The following COL23A1 variants were observed in gnomAD, a reference collection of about 807,000 sequenced individuals.
The protein encoded by COL23A1 is collagen type XXIII alpha 1 chain.
COL23A1 carries 97 observed loss-of-function variants against 99.3 expected under a neutral mutation model. The observed-to-expected ratio is 0.98, with a 90% CI of 0.83 to 1.16. COL23A1 has a LOEUF of 1.16. Ranked by LOEUF, COL23A1 falls within the 50% of genes most tolerant of loss-of-function variation. The probability of loss-of-function intolerance (pLI) is 0.00; values close to 1 mark genes in which losing one functional copy is unlikely to be tolerated. For missense variants in COL23A1, 762 were observed against 757.4 expected (o/e 1.01, Z -0.07); for synonymous variants, 320 against 308.2 (o/e 1.04, Z -0.40).
At position 178,498,213 on chromosome 5, in the gene COL23A1, TA is replaced by T. The variant is rs1562025346; in HGVS notation, c.361+62468del. On this transcript the variant is annotated intron_variant, in intron 2 of 28. Transcript: ENST00000390654. Reference sequence around the variant, plus strand: ...GACCCTGTCTTTATTTAAATATATATATATATATATATATATATATATATAT... The same window carrying T: ...GACCCTGTCTTTATTTAAATATATATTATATATATATATATATATATATAT... 6.3e-4 allele frequency among the ~76,000 whole-genome samples: 18 copies of T among 28,486 alleles called. No individual in the cohort carries two copies. The African/African-American group carries it at 6.8e-3, about 11-fold the overall frequency. The allele number at this position is 28,486 out of a possible 152,430, so 18.7% of individuals were successfully genotyped here.
chr5:178,361,799 C>T (rs1344954103), intron 2 of COL23A1, among the ~76,000 whole-genome samples: 4 of 152,256 alleles, frequency 2.6e-5, no homozygotes, highest in East Asian at 3.9e-4. Context: ...AGCCATGCAC[C>T]GGCTCTCACT....
chr5:178,583,490 A>AAC (rs141089030), intron 1 of COL23A1, among the ~76,000 whole-genome samples: 1 of 152,022 alleles, frequency 6.6e-6, no homozygotes, highest in South Asian at 2.1e-4. Flanking sequence ...CACACACATG[A>AAC]ACACACACAC....
At chr5:178,259,849 C>A in intron 11 of COL23A1, 102 bp from the exon 12 acceptor site, 2 of 1,144,260 alleles carry the variant, frequency 1.7e-6, no homozygotes, top group Non-Finnish European at 2.5e-6. Flanking sequence ...CACTGATGAC[C>A]CGTGCCCAGG....
intron 2 of COL23A1, among the ~76,000 whole-genome samples, chr5:178,354,021 C>G (rs1360191941): frequency 6.6e-6 from 1 of 151,768 alleles, no homozygotes; most frequent in African/African-American, 2.4e-5. Context: ...TTTGCATGAG[C>G]CTAAAACACC....
At chr5:178,357,048 G>T (rs539236706) in intron 2 of COL23A1, among the ~76,000 whole-genome samples, 3 of 152,372 alleles carry the variant, frequency 2.0e-5, no homozygotes, top group Admixed American at 6.5e-5. Context: ...ATTGTCTAAA[G>T]TCTGCAGAAG....
chr5:178,498,205 AATATATAT>A (rs1159261586), intron 2 of COL23A1, among the ~76,000 whole-genome samples: 595 of 34,362 alleles, frequency 0.017, 7 homozygotes, highest in South Asian at 0.032. Context: ...TCTTTATTTA[AATATATAT>A]ATATATATAT....
At chr5:178,277,016 G>A (rs549589667) in intron 5 of COL23A1, among the ~76,000 whole-genome samples, 12 of 152,264 alleles carry the variant, frequency 7.9e-5, no homozygotes, top group African/African-American at 2.9e-4. Flanking sequence ...GTAGTGTGAG[G>A]GGCTGGAATT....
chr5:178,565,234 G>C (rs181596611), intron 1 of COL23A1, among the ~76,000 whole-genome samples: 91 of 152,310 alleles, frequency 6.0e-4, no homozygotes, highest in African/African-American at 2.1e-3. Context: ...CATCTTCTCA[G>C]TGAAAAACAA....
At chr5:178,444,045 T>TA (rs1437719656) in intron 2 of COL23A1, among the ~76,000 whole-genome samples, 1 of 151,668 alleles carries the variant, frequency 6.6e-6, no homozygotes, top group African/African-American at 2.4e-5. Flanking sequence ...CTACAAAAAA[T>TA]AAAAAAATTA....
At chr5:178,554,198 A>G (rs1485470016) in intron 2 of COL23A1, among the ~76,000 whole-genome samples, 1 of 149,858 alleles carries the variant, frequency 6.7e-6, no homozygotes, top group Non-Finnish European at 1.5e-5. Flanking sequence ...TTTTTCTTTG[A>G]GATGGAGTCT....
At chr5:178,339,075 C>G (rs1041009622) in intron 2 of COL23A1, among the ~76,000 whole-genome samples, 1 of 152,146 alleles carries the variant, frequency 6.6e-6, no homozygotes, top group African/African-American at 2.4e-5. Context: ...TGAACACTTC[C>G]CCTGACTGGG....
chr5:178,286,427 A>C (rs1757154495), intron 5 of COL23A1, among the ~76,000 whole-genome samples: 1 of 152,064 alleles, frequency 6.6e-6, no homozygotes, highest in Non-Finnish European at 1.5e-5. Flanking sequence ...CCCCTTCTCC[A>C]GGCCAGGCCC....
intron 2 of COL23A1, among the ~76,000 whole-genome samples, chr5:178,475,878 G>A (rs907575833): frequency 9.9e-5 from 15 of 152,154 alleles, no homozygotes; most frequent in African/African-American, 2.7e-4. Context: ...CTGGCTGGGA[G>A]GACCCCTGCG....
chr5:178,354,961 A>C (rs1037494201), intron 2 of COL23A1, among the ~76,000 whole-genome samples: 1 of 151,858 alleles, frequency 6.6e-6, no homozygotes, highest in African/African-American at 2.4e-5. Flanking sequence ...GGGAGGCTGA[A>C]GCAGGAGAAT....
At chr5:178,565,088 A>T (rs1332954584) in intron 1 of COL23A1, among the ~76,000 whole-genome samples, 6 of 152,250 alleles carry the variant, frequency 3.9e-5, no homozygotes, top group African/African-American at 1.4e-4. Flanking sequence ...GCAACAAGGA[A>T]AAATGCTTAT....
intron 2 of COL23A1, among the ~76,000 whole-genome samples, chr5:178,409,386 G>C (rs546027322): frequency 1.3e-5 from 2 of 152,330 alleles, no homozygotes; most frequent in Admixed American, 6.5e-5. Context: ...TAAAATGACA[G>C]ATTGGTGATT....
intron 2 of COL23A1, chr5:178,350,876 T>A (rs1423480675): frequency 2.0e-5 from 3 of 152,348 alleles, no homozygotes; most frequent in African/African-American, 7.2e-5. Context: ...TGATCTTCAC[T>A]TTTAACAAAC....
At chr5:178,266,723 T>C (rs1755925220) in intron 8 of COL23A1, among the ~76,000 whole-genome samples, 1 of 152,126 alleles carries the variant, frequency 6.6e-6, no homozygotes, top group South Asian at 2.1e-4. Flanking sequence ...CCAGCCCCCT[T>C]CCCTGCTCCT....
At chr5:178,324,902 C>A (rs1437932603) in intron 2 of COL23A1, among the ~76,000 whole-genome samples, 3 of 152,204 alleles carry the variant, frequency 2.0e-5, no homozygotes, top group African/African-American at 7.2e-5. Flanking sequence ...TCCTGCCCAC[C>A]CCTCCAGATC....
Sources: allele counts gnomAD v4.1 joint callset (sites outside exome capture counted in the v4.1 genomes callset), GRCh38; gene constraint gnomAD v4.1.1; transcripts MANE v1.5; gene names NCBI Gene and HGNC (gene_info 2026-07-23, HGNC 2026-07-21).